Variants in ZNF276 observed in about 807,000 individuals in gnomAD.
ZNF276 encodes the protein zinc finger protein 276.
Under a neutral mutation model 63.9 loss-of-function variants are expected in ZNF276, and 59 were observed. The observed-to-expected ratio is 0.92, with a 90% CI of 0.75 to 1.15. The LOEUF is 1.15. Among genes scored for constraint, ZNF276 ranks in the 50% most tolerant of loss-of-function variants. ZNF276 has a pLI of 0.00. For missense variants in ZNF276, 1,084 were observed against 843.8 expected (o/e 1.28, Z -3.53); for synonymous variants, 496 against 348.4 (o/e 1.42, Z -4.72).
rs930966233 is a variant in ZNF276 at position 89,740,362 on chromosome 16, G to A, written c.*2116G>A. 1.3e-5 allele frequency: 7 copies of A among 524,892 alleles called. No homozygotes were observed. The highest frequency in any genetic ancestry group is 6.7e-5 in the East Asian group (2 of 30,072). 32.5% of individuals were successfully genotyped at this position (524,892 alleles called of 1,614,324 possible). ...ACATTAAAAGAAAGGCCCACAGGCC[G>A]GATGCAGTGGCTCATGCCTGTAATC... On this transcript the variant is annotated 3_prime_UTR_variant, in exon 11 of 11. Coordinates refer to ENST00000443381, the MANE Select transcript of ZNF276 (RefSeq NM_001113525.2).
rs758515413 is a variant in ZNF276 at position 89,737,813 on chromosome 16, G to C, written c.1482G>C (p.Arg494=). ...TGGACTCTCCCCTCTCAGAGGTGCG[G>C]AACTATATCTGTGACGAATGTGGAC... ...RHVKLIHTEV[R]NYICDECGQT... is the part of the protein sequence containing the mutation. Residue 494 remains arginine (R), a synonymous_variant, in exon 10 of 11, where the codon CGG becomes CGC. Coordinates refer to ENST00000443381, the MANE Select transcript of ZNF276 (RefSeq NM_001113525.2). 8.7e-6 allele frequency: 14 copies of C among 1,614,138 alleles called. No individual in the cohort carries two copies. The highest frequency in any genetic ancestry group is 1.2e-5 in the Non-Finnish European group (14 of 1,180,030).
At position 89,721,789 on chromosome 16, in the gene ZNF276, C is replaced by G; in HGVS notation, c.149C>G (p.Ala50Gly). The part of the protein sequence containing the change: ...PRVDGATARR[A>G]WGPVGSCGDA... ...GTGGACGGGGCGACGGCGCGGCGCG[C>G]CTGGGGCCCGGTGGGGTCCTGCGGG... is the stretch of plus-strand genomic sequence containing the variant. The change falls in exon 1 of 11, where the codon GCC becomes GGC. Residue 50 changes from alanine to glycine, a missense_variant. Transcript: ENST00000443381. 7.9e-7 allele frequency: 1 copy of G among 1,259,132 alleles called. No individual in the cohort carries two copies. Among genetic ancestry groups the G allele is most frequent in the Non-Finnish European group, 1.0e-6 (1 of 1,002,888 alleles). The allele number at this position is 1,259,132 out of a possible 1,614,324, so 78.0% of individuals were successfully genotyped here.
At chr16:89,735,898 TG>T (rs141680274) in intron 9 of ZNF276, among the ~76,000 whole-genome samples, 56,037 of 142,048 alleles carry the variant, frequency 0.39, 12,134 homozygotes, top group East Asian at 0.78. Context: ...TTTGTTTGTT[TG>T]TTTGTTTTTT....
In ZNF276 at chr16:89,723,444, C is replaced by A. The variant is rs774253374; in HGVS notation, c.741C>A (p.Ser247Arg). The change falls in exon 4 of 11, where the codon AGC (serine) becomes AGA (arginine). Residue 247 changes from serine to arginine, a missense_variant. Transcript: ENST00000443381. ...ACTACACCATGGATACCAGCTCCAG[C>A]TGCAAGGCCTTCTTGCTGGACAGTG... ...GHDYTMDTSSSCKAFLLDSAL... is the reference protein window; with the variant it reads ...GHDYTMDTSSRCKAFLLDSAL... 4 of 1,613,072 alleles carry A rather than the reference C, an allele frequency of 2.5e-6. No individual in the cohort carries two copies. The highest frequency in any genetic ancestry group is 3.4e-6 in the Non-Finnish European group (4 of 1,180,044).
upstream of ZNF276, chr16:89,721,344 C>CA: frequency 3.2e-6 from 1 of 312,162 alleles, no homozygotes; most frequent in Non-Finnish European, 5.8e-6. Flanking sequence ...GCGAGCCCCT[C>CA]CGCCCACCGC....
chr16:89,733,801 G>A (rs1420363123), intron 8 of ZNF276, 120 bp from the exon 9 acceptor site: 4 of 949,506 alleles, frequency 4.2e-6, no homozygotes, highest in East Asian at 2.4e-5. Flanking sequence ...AGGAGCCAGT[G>A]GTGTCGCTGG....
rs1256154822 is a variant in ZNF276 at position 89,733,996 on chromosome 16, A to G, written c.1432A>G (p.Ile478Val). 6.2e-7 allele frequency: 1 copy of G among 1,613,928 alleles called. No individual in the cohort carries two copies. Among genetic ancestry groups the G allele is most frequent in the African/African-American group, 1.3e-5 (1 of 74,926 alleles). Residue 478 changes from isoleucine (I) to valine (V), a missense_variant, in exon 9 of 11, where the codon ATC becomes GTC. Transcript: ENST00000443381. ...CCCTGGCTGCAACAAGGTTTTCATG[A>G]TCGACCGCTACCTGCAGCGCCACGT... ...PHPGCNKVFM[I>V]DRYLQRHVKL...
In ZNF276 at chr16:89,721,676, T is replaced by A; in HGVS notation, c.36T>A (p.Pro12=). Residue 12 remains proline (P), a synonymous_variant, in exon 1 of 11, where the codon CCT becomes CCA. Transcript: ENST00000443381. ...ACCGGCTGGGCCGCTTCCTGTCTCC[T>A]GGGTCGTCCCGACAGTGCGGGGCCT... The part of the protein sequence containing the change: ...KRDRLGRFLS[P]GSSRQCGASD... The A allele has an allele frequency of 6.9e-7, 1 of 1,439,658 alleles. No homozygotes were observed. Among genetic ancestry groups the A allele is most frequent in the Non-Finnish European group, 9.1e-7 (1 of 1,100,906 alleles). 89.2% of individuals were successfully genotyped at this position (1,439,658 alleles called of 1,614,324 possible).
chr16:89,727,783 T>C (rs921775407), intron 5 of ZNF276, among the ~76,000 whole-genome samples: 7 of 152,242 alleles, frequency 4.6e-5, no homozygotes, highest in Admixed American at 2.0e-4. Flanking sequence ...GCCATAGTTT[T>C]GTGTTCGCTC....
At position 89,735,367 on chromosome 16, in the gene ZNF276, T is replaced by C. The variant is rs1316541502; in HGVS notation, c.1474+1329T>C. 3.9e-5 allele frequency among the ~76,000 whole-genome samples: 6 copies of C among 152,158 alleles called. No individual in the cohort carries two copies. In the South Asian group the frequency reaches 1.0e-3, roughly 26 times the overall value. ...ACAGTTTTCCTTGGTTTTGAACTTA[T>C]TACAGAATAAGAATTATTTATTCTT... On this transcript the variant is annotated intron_variant, in intron 9 of 10. Coordinates refer to ENST00000443381, the MANE Select transcript of ZNF276 (RefSeq NM_001113525.2).
upstream of ZNF276, chr16:89,721,036 T>C: frequency 1.8e-6 from 1 of 557,744 alleles, no homozygotes; most frequent in Non-Finnish European, 2.6e-6. Context: ...CCACGGGTGT[T>C]AGTGGCGGGG....
Position 89,738,118 on chromosome 16 carries a change from A to T in ZNF276, c.1717A>T (p.Met573Leu). ...FEKAHNLNVH[M>L]SMVHPLTQTQ... ...GAAGGCCCACAACCTCAATGTACACATGTCCATGGTGCACCCGCTGACACA... is the reference window on the plus strand; with the variant it reads ...GAAGGCCCACAACCTCAATGTACACTTGTCCATGGTGCACCCGCTGACACA... The change falls in exon 11 of 11, where the codon ATG becomes TTG. Residue 573 changes from methionine (M) to leucine (L), a missense_variant. Met to Leu is a conservative substitution (Grantham distance 15). Coordinates refer to ENST00000443381, the MANE Select transcript of ZNF276 (RefSeq NM_001113525.2). 6.2e-7 allele frequency: 1 copy of T among 1,613,824 alleles called. No homozygotes were observed. Among genetic ancestry groups the T allele is most frequent in the Non-Finnish European group, 8.5e-7 (1 of 1,179,988 alleles).
chr16:89,730,238 A>G (rs549103874), intron 6 of ZNF276, among the ~76,000 whole-genome samples: 3 of 152,350 alleles, frequency 2.0e-5, no homozygotes, highest in East Asian at 1.9e-4. Flanking sequence ...AAAACTGGTC[A>G]GGCCCAGAAA....
chr16:89,730,336 T>G (rs1193645530), intron 6 of ZNF276, among the ~76,000 whole-genome samples: 1 of 152,098 alleles, frequency 6.6e-6, no homozygotes, highest in Non-Finnish European at 1.5e-5. Context: ...AAGCCCCCAC[T>G]CCGTGACCCT....
At chr16:89,724,554 C>G (rs190785029) in intron 4 of ZNF276, among the ~76,000 whole-genome samples, 2 of 152,086 alleles carry the variant, frequency 1.3e-5, no homozygotes, top group Non-Finnish European at 2.9e-5. Context: ...GGCTGAGGCA[C>G]GAGAATCACT....
chr16:89,732,871 C>T (rs2061710834), intron 6 of ZNF276: 2 of 173,030 alleles, frequency 1.2e-5, no homozygotes, highest in Non-Finnish European at 2.4e-5. Context: ...TCGCCCTGAC[C>T]CTGCTGTACC....
rs200968080 is a variant in ZNF276 at position 89,722,598 on chromosome 16, G to A, written c.273G>A (p.Leu91=). The A allele has an allele frequency of 2.0e-5, 33 of 1,612,238 alleles. No individual in the cohort carries two copies. In the African/African-American group the frequency reaches 3.3e-4, roughly 16 times the overall value. ...ACGGGAAGTTTTCCTCGAGAAGCCT[G>A]CGCAGCATCTCCGAGAGGGCGCCTG... The part of the protein sequence containing the change: ...LCHGKFSSRS[L]RSISERAPGA... Residue 91 remains leucine (L), a synonymous_variant, in exon 2 of 11, where the codon CTG becomes CTA. Coordinates refer to ENST00000443381, the MANE Select transcript of ZNF276 (RefSeq NM_001113525.2).
At chr16:89,733,694 T>G in intron 8 of ZNF276, 137 bp downstream of exon 8, 1 of 1,039,696 alleles carries the variant, frequency 9.6e-7, no homozygotes, top group Non-Finnish European at 1.4e-6. Context: ...CCTGAAGCAG[T>G]CCTAGCCAGT....
At chr16:89,728,797 A>G (rs139526547) in intron 5 of ZNF276, among the ~76,000 whole-genome samples, 3,497 of 152,206 alleles carry the variant, frequency 0.023, 91 homozygotes, top group South Asian at 0.13. Context: ...TCACCCTCCC[A>G]AAGTGCTGGG....
Sources: gnomAD v4.1 joint callset for allele counts (sites outside exome capture counted in the v4.1 genomes callset) on GRCh38, gnomAD v4.1.1 for gene constraint, MANE v1.5 for transcripts, NCBI Gene and HGNC (gene_info 2026-07-23, HGNC 2026-07-21) for gene names.